Variants in ELMO1 observed in about 807,000 individuals in gnomAD.
ELMO1 encodes the protein engulfment and cell motility protein 1.
A neutral mutation model predicts 98.9 loss-of-function variants in ELMO1; 26 were observed. The ratio of observed to expected loss-of-function variants is 0.26; its 90% confidence interval spans 0.19 to 0.36. ELMO1 has a LOEUF of 0.36. ELMO1 is among the 10% of genes least tolerant of loss of function. ELMO1 has a pLI of 1.00. For synonymous variants in ELMO1, 346 were observed against 346.0 expected (o/e 1.00, Z 0.00); for missense variants, 627 against 935.2 (o/e 0.67, Z 4.30).
At chr7:37,442,866 CA>C (rs1295153906) in intron 1 of ELMO1, among the ~76,000 whole-genome samples, 3 of 152,288 alleles carry the variant, frequency 2.0e-5, no homozygotes, top group African/African-American at 7.2e-5. Context: ...AGTGAACCAA[CA>C]AAAGAAGGAA....
chr7:37,084,759 C>A (rs1274021169), intron 15 of ELMO1, among the ~76,000 whole-genome samples: 1 of 142,018 alleles, frequency 7.0e-6, no homozygotes, highest in South Asian at 2.3e-4. Flanking sequence ...AAGCAAATTC[C>A]TTTTTTTTTT....
chr7:37,122,162 G>A (rs930009537), intron 14 of ELMO1, among the ~76,000 whole-genome samples: 3 of 152,176 alleles, frequency 2.0e-5, no homozygotes, highest in Non-Finnish European at 1.5e-5. Flanking sequence ...GGAACAACCG[G>A]TACCAGCCAC....
intron 16 of ELMO1, among the ~76,000 whole-genome samples, chr7:36,958,951 A>T (rs1213570300): frequency 6.6e-6 from 1 of 151,786 alleles, no homozygotes; most frequent in African/African-American, 2.4e-5. Context: ...TGCTTTCTCT[A>T]TATCTGCACT....
chr7:36,861,249 T>C, intron 21 of ELMO1, among the ~76,000 whole-genome samples: 1 of 152,176 alleles, frequency 6.6e-6, no homozygotes, highest in East Asian at 1.9e-4. Flanking sequence ...CCTAAACCTC[T>C]TAAAATAGCT....
intron 15 of ELMO1, among the ~76,000 whole-genome samples, chr7:37,036,578 T>C (rs1250098205): frequency 6.6e-6 from 1 of 152,118 alleles, no homozygotes; most frequent in East Asian, 1.9e-4. Context: ...GGGGTCTTAC[T>C]ATGTTGCCCA....
chr7:36,974,884 C>T (rs1314447737), intron 16 of ELMO1, among the ~76,000 whole-genome samples: 2 of 151,946 alleles, frequency 1.3e-5, no homozygotes, highest in Non-Finnish European at 2.9e-5. Context: ...ACTCCAGAAG[C>T]GCCACCTTAA....
At chr7:36,901,257 C>T (rs73106611) in intron 16 of ELMO1, among the ~76,000 whole-genome samples, 24 of 152,118 alleles carry the variant, frequency 1.6e-4, no homozygotes, top group Non-Finnish European at 2.8e-4. Context: ...TGAGTGGTGT[C>T]GTGCATATTA....
intron 2 of ELMO1, among the ~76,000 whole-genome samples, chr7:37,334,315 G>A (rs1383802444): frequency 3.9e-5 from 6 of 152,110 alleles, no homozygotes; most frequent in African/African-American, 1.2e-4. Flanking sequence ...GCATGGTGGC[G>A]GGCACCTGTA....
At chr7:37,355,509 C>T (rs1348750447) in intron 1 of ELMO1, among the ~76,000 whole-genome samples, 1 of 152,160 alleles carries the variant, frequency 6.6e-6, no homozygotes, top group East Asian at 1.9e-4. Context: ...AATAACTTTG[C>T]TTTAAGTTCA....
intron 13 of ELMO1, among the ~76,000 whole-genome samples, chr7:37,200,301 G>A (rs975229858): frequency 7.5e-6 from 1 of 133,886 alleles, no homozygotes; most frequent in Non-Finnish European, 1.6e-5. Context: ...GGCTAGTCTT[G>A]AACTCCTGGC....
At chr7:37,178,803 C>T (rs1790660088) in intron 13 of ELMO1, among the ~76,000 whole-genome samples, 1 of 152,096 alleles carries the variant, frequency 6.6e-6, no homozygotes, top group Admixed American at 6.5e-5. Context: ...GAGACAAACC[C>T]AAACTGAAGA....
intron 14 of ELMO1, among the ~76,000 whole-genome samples, chr7:37,097,832 T>A (rs1473608281): frequency 6.6e-6 from 1 of 152,112 alleles, no homozygotes; most frequent in Non-Finnish European, 1.5e-5. Context: ...TTCCTACTGG[T>A]CCCCCTGTTC....
chr7:37,047,509 G>A, intron 15 of ELMO1, among the ~76,000 whole-genome samples: 1 of 152,232 alleles, frequency 6.6e-6, no homozygotes, highest in African/African-American at 2.4e-5. Flanking sequence ...AGCTACTCCA[G>A]CGTCACCTGT....
intron 16 of ELMO1, among the ~76,000 whole-genome samples, chr7:36,979,557 T>A (rs184881126): frequency 6.6e-6 from 1 of 152,236 alleles, no homozygotes; most frequent in African/African-American, 2.4e-5. Context: ...CCCCCATCAA[T>A]CTCTAAAGCT....
intron 6 of ELMO1, among the ~76,000 whole-genome samples, chr7:37,248,763 A>G (rs74883354): frequency 0.045 from 6,836 of 152,318 alleles, 357 homozygotes; most frequent in African/African-American, 0.12. Flanking sequence ...GCAAGGCAGC[A>G]AGTAGATGAA....
intron 13 of ELMO1, among the ~76,000 whole-genome samples, chr7:37,194,523 C>T (rs1791846885): frequency 6.6e-6 from 1 of 152,302 alleles, no homozygotes; most frequent in Non-Finnish European, 1.5e-5. Flanking sequence ...TTACTACCAC[C>T]GAAGTGAAAT....
At chr7:36,933,912 C>A (rs1378147781) in intron 16 of ELMO1, among the ~76,000 whole-genome samples, 1 of 152,226 alleles carries the variant, frequency 6.6e-6, no homozygotes, top group African/African-American at 2.4e-5. Flanking sequence ...GACAACAGCT[C>A]TGCTGTACAG....
intron 1 of ELMO1, among the ~76,000 whole-genome samples, chr7:37,372,138 A>G (rs1042418494): frequency 2.6e-5 from 4 of 152,210 alleles, no homozygotes; most frequent in African/African-American, 9.7e-5. Flanking sequence ...AGTTAAAAAA[A>G]AAAAGATAGC....
At chr7:37,101,608 C>G (rs1280716420) in intron 14 of ELMO1, among the ~76,000 whole-genome samples, 1 of 152,116 alleles carries the variant, frequency 6.6e-6, no homozygotes, top group Admixed American at 6.5e-5. Context: ...TAAACTATCA[C>G]TAAGAGATAA....
Sources: allele counts gnomAD v4.1 joint callset (sites outside exome capture counted in the v4.1 genomes callset), GRCh38; gene constraint gnomAD v4.1.1; transcripts MANE v1.5; gene names NCBI Gene and HGNC (gene_info 2026-07-23, HGNC 2026-07-21).